The following TAFA1 variants were observed in gnomAD, a reference collection of about 807,000 sequenced individuals.
The protein encoded by TAFA1 is TAFA chemokine like family member 1.
TAFA1 carries 4 observed loss-of-function variants against 18.5 expected under a neutral mutation model. That is an observed-to-expected ratio of 0.22 (90% CI 0.11 to 0.49). The LOEUF (loss-of-function observed/expected upper bound fraction) is 0.49. TAFA1 is among the 20% of genes least tolerant of loss of function. The pLI is 0.98. For synonymous variants in TAFA1, 56 were observed against 55.2 expected (o/e 1.01, Z -0.06); for missense variants, 147 against 169.0 (o/e 0.87, Z 0.72).
intron 2 of TAFA1, among the ~76,000 whole-genome samples, chr3:68,010,143 A>G (rs1704442162): frequency 6.6e-6 from 1 of 152,166 alleles, no homozygotes; most frequent in African/African-American, 2.4e-5. Flanking sequence ...CAAATCTTTC[A>G]CTCAGAGCCT....
At chr3:68,181,947 C>T (rs1201486849) in intron 2 of TAFA1, among the ~76,000 whole-genome samples, 1 of 152,182 alleles carries the variant, frequency 6.6e-6, no homozygotes, top group African/African-American at 2.4e-5. Context: ...TAGTTCATGC[C>T]TGTAATCCCA....
chr3:68,472,727 T>C (rs1439370752), intron 3 of TAFA1, among the ~76,000 whole-genome samples: 1 of 152,126 alleles, frequency 6.6e-6, no homozygotes, highest in Non-Finnish European at 1.5e-5. Context: ...CATAATTATC[T>C]CAATTAAAAA....
intron 2 of TAFA1, among the ~76,000 whole-genome samples, chr3:68,297,930 T>G (rs1414112471): frequency 6.6e-6 from 1 of 152,202 alleles, no homozygotes; most frequent in Non-Finnish European, 1.5e-5. Flanking sequence ...ATTTATCTTG[T>G]TTTTCACTCA....
At chr3:68,332,425 A>G (rs899899939) in intron 2 of TAFA1, among the ~76,000 whole-genome samples, 1 of 152,220 alleles carries the variant, frequency 6.6e-6, no homozygotes, top group African/African-American at 2.4e-5. Flanking sequence ...ATTACATCAA[A>G]CTAAAAAGTT....
At chr3:68,244,497 T>G (rs1353317787) in intron 2 of TAFA1, among the ~76,000 whole-genome samples, 2 of 152,202 alleles carry the variant, frequency 1.3e-5, no homozygotes, top group Non-Finnish European at 1.5e-5. Flanking sequence ...CAGCACCATT[T>G]GTTAAAAAGA....
intron 3 of TAFA1, among the ~76,000 whole-genome samples, chr3:68,446,624 G>A (rs1190412171): frequency 2.6e-5 from 4 of 152,164 alleles, no homozygotes; most frequent in Non-Finnish European, 4.4e-5. Flanking sequence ...GAAGACTTAT[G>A]TCTAAAAAGA....
chr3:68,527,632 A>G (rs1389791824), intron 3 of TAFA1, among the ~76,000 whole-genome samples: 1 of 152,078 alleles, frequency 6.6e-6, no homozygotes, highest in African/African-American at 2.4e-5. Context: ...GTATCTTTTT[A>G]TGCATCACAA....
chr3:68,398,257 A>C (rs1467812319), intron 2 of TAFA1, among the ~76,000 whole-genome samples: 1 of 152,216 alleles, frequency 6.6e-6, no homozygotes, highest in African/African-American at 2.4e-5. Flanking sequence ...AGGCATCAGA[A>C]ATAATACCAT....
chr3:67,995,197 C>G, the TAFA1 span, among the ~76,000 whole-genome samples: 1 of 152,140 alleles, frequency 6.6e-6, no homozygotes, highest in Non-Finnish European at 1.5e-5. Flanking sequence ...AACTAAATAA[C>G]AAGAAATTGC....
At chr3:68,206,705 G>A (rs929118944) in intron 2 of TAFA1, among the ~76,000 whole-genome samples, 7 of 151,910 alleles carry the variant, frequency 4.6e-5, no homozygotes, top group African/African-American at 1.7e-4. Flanking sequence ...AGACAAGAGA[G>A]CGACCCCTAG....
At chr3:68,323,585 C>G (rs2068726584) in intron 2 of TAFA1, among the ~76,000 whole-genome samples, 1 of 152,078 alleles carries the variant, frequency 6.6e-6, no homozygotes. Flanking sequence ...TATGATTTTT[C>G]AAGGCTAAAA....
chr3:68,197,735 C>A (rs976274930), intron 2 of TAFA1, among the ~76,000 whole-genome samples: 2 of 151,556 alleles, frequency 1.3e-5, no homozygotes, highest in Non-Finnish European at 3.0e-5. Flanking sequence ...AACAAAAGTA[C>A]CTTCAGGCTC....
intron 2 of TAFA1, among the ~76,000 whole-genome samples, chr3:68,297,407 G>A (rs1296609856): frequency 6.6e-6 from 1 of 152,106 alleles, no homozygotes. Context: ...TTCACCCTGA[G>A]CCCCTGGGAA....
At chr3:68,075,041 G>C (rs963052066) in intron 2 of TAFA1, among the ~76,000 whole-genome samples, 1 of 152,164 alleles carries the variant, frequency 6.6e-6, no homozygotes, top group Non-Finnish European at 1.5e-5. Flanking sequence ...ACCAGACAAA[G>C]TAGAATCACA....
chr3:68,206,442 A>G (rs2066527064), intron 2 of TAFA1, among the ~76,000 whole-genome samples: 1 of 151,920 alleles, frequency 6.6e-6, no homozygotes, highest in African/African-American at 2.4e-5. Context: ...ATTGTTACTC[A>G]TGTTTTATAA....
At position 68,224,786 on chromosome 3, in the gene TAFA1, A is replaced by G. The variant is rs191447866; in HGVS notation, c.119-192494A>G. On this transcript the variant is annotated intron_variant, in intron 2 of 4. Coordinates refer to ENST00000478136, the MANE Select transcript of TAFA1 (RefSeq NM_213609.4). The stretch of plus-strand genomic sequence containing the variant: ...GCTCATATAAATAGTCAATAAGAGC[A>G]AAAGGAGATTCTAGACTTTTAGTTG... 1.2e-3 allele frequency among the ~76,000 whole-genome samples: 184 copies of G among 152,192 alleles called. 1 individual carries two copies. The highest frequency in any genetic ancestry group is 4.2e-3 in the African/African-American group (174 of 41,522).
intron 2 of TAFA1, among the ~76,000 whole-genome samples, chr3:68,091,986 A>G (rs190124945): frequency 6.6e-6 from 1 of 152,276 alleles, no homozygotes; most frequent in Non-Finnish European, 1.5e-5. Context: ...ACCCAGTCAC[A>G]GAATTATCCC....
intron 2 of TAFA1, among the ~76,000 whole-genome samples, chr3:68,297,315 C>T (rs938934788): frequency 2.0e-5 from 3 of 152,114 alleles, no homozygotes; most frequent in African/African-American, 7.2e-5. Context: ...CATCACTAGC[C>T]TATCTTTAAT....
chr3:68,464,629 A>G (rs1350171204), intron 3 of TAFA1, among the ~76,000 whole-genome samples: 1 of 152,194 alleles, frequency 6.6e-6, no homozygotes, highest in African/African-American at 2.4e-5. Context: ...GAGGACAGTC[A>G]AAACTGTAGA....
Sources: allele counts gnomAD v4.1 joint callset (sites outside exome capture counted in the v4.1 genomes callset), GRCh38; gene constraint gnomAD v4.1.1; transcripts MANE v1.5; gene names NCBI Gene and HGNC (gene_info 2026-07-23, HGNC 2026-07-21).